Variants in ALDH1A3 observed in about 807,000 individuals in gnomAD.
ALDH1A3 encodes the protein retinaldehyde dehydrogenase 3.
ALDH1A3 carries 28 observed loss-of-function variants against 57.5 expected under a neutral mutation model. The observed-to-expected ratio is 0.49, with a 90% confidence interval of 0.36 to 0.67. ALDH1A3 has a LOEUF of 0.67. Ranked by LOEUF, ALDH1A3 falls within the 30% of genes least tolerant of loss-of-function variation. The pLI, the probability that ALDH1A3 is intolerant of heterozygous loss-of-function variation, is 0.00. For synonymous variants in ALDH1A3, 281 were observed against 264.8 expected, an observed-to-expected ratio of 1.06 and a Z score of -0.59; for missense variants, 507 against 669.4, an observed-to-expected ratio of 0.76 and a Z score of 2.68.
At chr15:100,884,833 C>T (rs776038534) in intron 1 of ALDH1A3, among the ~76,000 whole-genome samples, 35 of 152,166 alleles carry the variant, frequency 2.3e-4, no homozygotes, top group Middle Eastern at 6.8e-3. Context: ...GTGCTCGGTG[C>T]GTCCTTACCC....
intron 12 of ALDH1A3, among the ~76,000 whole-genome samples, chr15:100,910,213 A>G (rs1179457649): frequency 6.6e-6 from 1 of 152,254 alleles, no homozygotes; most frequent in East Asian, 1.9e-4. Flanking sequence ...AAGCCTGTCC[A>G]TTAGCCTTCC....
chr15:100,887,254 A>C lies in ALDH1A3; in HGVS notation c.205-318A>C, dbSNP rs779296587. On this transcript the variant is annotated intron_variant, in intron 2 of 12. Coordinates refer to ENST00000329841, the MANE Select transcript of ALDH1A3 (RefSeq NM_000693.4). This position sits in a 1 kb window ranked among gnomAD's most constrained non-coding sequence, Gnocchi z 4.6. ...ACTGATGGCCGTGGTCCCAAACTGC[A>C]GTCACGTCAAAAGATGACACCCAAA... is the stretch of plus-strand genomic sequence containing the variant. Among the ~76,000 whole-genome samples the C allele has an allele frequency of 1.2e-4, 19 of 152,154 alleles. No homozygotes were observed. The highest frequency in any genetic ancestry group is 2.8e-4 in the Non-Finnish European group (19 of 68,032).
chr15:100,905,804 CTGTTGTTGTCGTTGT>C (rs1405158300), intron 10 of ALDH1A3, 117 bp downstream of exon 10: 3 of 1,129,236 alleles, frequency 2.7e-6, no homozygotes, highest in Non-Finnish European at 3.7e-6. Flanking sequence ...GTTTTTGTTG[CTGTTGTTGTCGTTGT>C]TGTTTTTTCT....
chr15:100,900,636 G>C lies in ALDH1A3; in HGVS notation c.945G>C (p.Thr315=), dbSNP rs2229183. ...TCTTCAACCAAGGCCAGTGTTGCAC[G>C]GCAGCCTCCAGGGTGTTCGTGGAGG... The part of the protein sequence containing the change: ...GVFFNQGQCC[T]AASRVFVEEQ... The change falls in exon 9 of 13, where the codon ACG becomes ACC. Residue 315 remains threonine, a synonymous_variant. Transcript: ENST00000329841. 1 of 1,611,926 alleles carries C rather than the reference G, an allele frequency of 6.2e-7. No individual in the cohort carries two copies. Among genetic ancestry groups the C allele is most frequent in the African/African-American group, 1.3e-5 (1 of 74,994 alleles).
chr15:100,885,115 C>T, intron 1 of ALDH1A3, 152 bp from the exon 2 acceptor site: 6 of 611,032 alleles, frequency 9.8e-6, no homozygotes, highest in South Asian at 7.8e-5. Context: ...CTGTTCCCCT[C>T]CGGGTCTCAT....
intron 12 of ALDH1A3, chr15:100,914,090 C>G (rs1241899974): frequency 6.6e-6 from 1 of 152,480 alleles, no homozygotes; most frequent in Non-Finnish European, 1.5e-5. Flanking sequence ...AAGCTGTGGC[C>G]TCCCCATGTC....
At chr15:100,899,750 C>T (rs1454631042) in intron 8 of ALDH1A3, among the ~76,000 whole-genome samples, 1 of 152,164 alleles carries the variant, frequency 6.6e-6, no homozygotes, top group Non-Finnish European at 1.5e-5. Flanking sequence ...ACTGAAACTT[C>T]CACAAATGAC....
intron 2 of ALDH1A3, among the ~76,000 whole-genome samples, chr15:100,886,093 C>T (rs1178967652): frequency 6.6e-6 from 1 of 152,192 alleles, no homozygotes; most frequent in Non-Finnish European, 1.5e-5. Context: ...TCTTGGTCAG[C>T]AAACTGATGA....
chr15:100,904,799 G>A (rs1430978854), intron 9 of ALDH1A3, among the ~76,000 whole-genome samples: 1 of 152,200 alleles, frequency 6.6e-6, no homozygotes, highest in Non-Finnish European at 1.5e-5. Context: ...GATAGCAAAA[G>A]GGAGAGTCTT....
At chr15:100,910,247 G>A (rs373932383) in intron 12 of ALDH1A3, among the ~76,000 whole-genome samples, 6 of 152,236 alleles carry the variant, frequency 3.9e-5, no homozygotes, top group Non-Finnish European at 7.3e-5. Context: ...GGCTGGCTTC[G>A]CCTTCAGCGG....
intron 6 of ALDH1A3, chr15:100,895,479 C>A: frequency 6.3e-6 from 1 of 157,770 alleles, no homozygotes; most frequent in Non-Finnish European, 1.4e-5. Flanking sequence ...AAAAACAAAA[C>A]TGAAGCTCTT....
Position 100,892,504 on chromosome 15 carries a change from T to C in ALDH1A3, c.346-6T>C, listed in dbSNP as rs1396746409. On this transcript the variant is annotated splice_region_variant and splice_polypyrimidine_tract_variant and intron_variant, in intron 3 of 12. Transcript: ENST00000329841. Reference sequence around the variant, plus strand: ...GTCCGAAACAGACATCATCTTGTTATTGCAGGCCCTGGAGACGATGGATAC... The same window carrying C: ...GTCCGAAACAGACATCATCTTGTTACTGCAGGCCCTGGAGACGATGGATAC... 5 of 1,610,298 alleles carry C rather than the reference T, an allele frequency of 3.1e-6. No individual in the cohort carries two copies. Among genetic ancestry groups the C allele is most frequent in the Non-Finnish European group, 4.2e-6 (5 of 1,179,202 alleles).
At chr15:100,897,946 G>A (rs147047440) in intron 7 of ALDH1A3, 137 bp from the exon 8 acceptor site, 20 of 682,404 alleles carry the variant, frequency 2.9e-5, no homozygotes, top group Admixed American at 1.4e-4. Context: ...GGACGGCATC[G>A]GGGCCTGGAG....
chr15:100,885,635 A>G (rs961955490), intron 2 of ALDH1A3, among the ~76,000 whole-genome samples: 1 of 150,742 alleles, frequency 6.6e-6, no homozygotes, highest in Non-Finnish European at 1.5e-5. Flanking sequence ...CATATGGCTA[A>G]AGGAAAGGTT....
chr15:100,905,584 C>A lies in ALDH1A3; in HGVS notation c.1130C>A (p.Ala377Asp). 6.2e-7 allele frequency: 1 copy of A among 1,614,046 alleles called. No homozygotes were observed. Among genetic ancestry groups the A allele is most frequent in the Non-Finnish European group, 8.5e-7 (1 of 1,179,978 alleles). Residue 377 changes from alanine (A) to aspartate (D), a missense_variant, in exon 10 of 13, where the codon GCC (alanine) becomes GAC (aspartate). By Grantham distance (126) the Ala-to-Asp change is moderately radical (BLOSUM62 -2). This residue lies in a region of ALDH1A3 where 432 missense variants were observed against 608.4 expected (regional missense o/e 0.71). Coordinates refer to ENST00000329841, the MANE Select transcript of ALDH1A3 (RefSeq NM_000693.4). ...ATCGAGAGTGGGAAGAAGGAAGGGGCCAAGCTGGAATGCGGGGGCTCAGCC... is the reference window on the plus strand; with the variant it reads ...ATCGAGAGTGGGAAGAAGGAAGGGGACAAGCTGGAATGCGGGGGCTCAGCC... Reference protein sequence around the residue: ...ELIESGKKEGAKLECGGSAME... With the variant: ...ELIESGKKEGDKLECGGSAME...
At chr15:100,888,608 C>G (rs1181205112) in intron 3 of ALDH1A3, 2 of 152,224 alleles carry the variant, frequency 1.3e-5, no homozygotes, top group South Asian at 4.1e-4. Flanking sequence ...ATATGTGGAG[C>G]GGTGGTGAGG....
Position 100,894,447 on chromosome 15 carries a change from T to C in ALDH1A3, c.666+365T>C. On this transcript the variant is annotated intron_variant, in intron 6 of 12. Coordinates refer to ENST00000329841, the MANE Select transcript of ALDH1A3 (RefSeq NM_000693.4). This position sits in a 1 kb window ranked among gnomAD's most constrained non-coding sequence, Gnocchi z 4.5. ...CTCAGTTTATGAAATGGTCCATTTT[T>C]CTCTGGAGAGGTGGCCTCGTCAGCT... The C allele has an allele frequency of 4.7e-6, 1 of 210,946 alleles. No homozygotes were observed. The highest frequency in any genetic ancestry group is 9.7e-6 in the Non-Finnish European group (1 of 103,616). 13.1% of individuals were successfully genotyped at this position (210,946 alleles called of 1,614,324 possible). A position where few individuals can be genotyped will look rare whatever the true frequency, so the allele number is the denominator to read the frequency against.
chr15:100,890,388 T>A (rs1438290772), intron 3 of ALDH1A3, among the ~76,000 whole-genome samples: 2 of 152,210 alleles, frequency 1.3e-5, no homozygotes, highest in East Asian at 3.8e-4. Context: ...AGCGAGCACT[T>A]GGACTCACTC....
chr15:100,880,169 G>T, intron 1 of ALDH1A3, 163 bp downstream of exon 1: 1 of 431,644 alleles, frequency 2.3e-6, no homozygotes, highest in Non-Finnish European at 3.9e-6. Flanking sequence ...CGCACCTTTC[G>T]CGGGACGTCT....
Sources: allele counts gnomAD v4.1 joint callset (sites outside exome capture counted in the v4.1 genomes callset), GRCh38; gene constraint gnomAD v4.1.1; regional missense constraint gnomAD v4.1.1; non-coding constraint Gnocchi (gnomAD v3.1); transcripts MANE v1.5; gene names NCBI Gene and HGNC (gene_info 2026-07-23, HGNC 2026-07-21).